Variants in LRRC4C observed in about 807,000 individuals in gnomAD.
LRRC4C encodes leucine-rich repeat-containing protein 4C.
A neutral mutation model predicts 33.6 loss-of-function variants in LRRC4C; 5 were observed. The ratio of observed to expected loss-of-function variants is 0.15; its 90% CI spans 0.08 to 0.31. The LOEUF is 0.31. Ranked by LOEUF, LRRC4C falls within the 10% of genes least tolerant of loss-of-function variation. LRRC4C has a pLI of 1.00. For missense variants in LRRC4C, 560 were observed against 796.7 expected (o/e 0.70, Z 3.58); for synonymous variants, 329 against 302.0 (o/e 1.09, Z -0.93).
At chr11:40,775,413 CA>C (rs35899682) in intron 2 of LRRC4C, among the ~76,000 whole-genome samples, 31,172 of 147,908 alleles carry the variant, frequency 0.21, 3,852 homozygotes, top group East Asian at 0.41. Context: ...GACTCTGTTT[CA>C]AAAAAAAAAA....
intron 2 of LRRC4C, among the ~76,000 whole-genome samples, chr11:40,891,514 A>G (rs771790205): frequency 1.3e-5 from 2 of 152,178 alleles, no homozygotes; most frequent in Non-Finnish European, 2.9e-5. Context: ...CTAACAAGAG[A>G]TTAATAACAA....
chr11:40,361,580 A>T (rs1947951541), intron 3 of LRRC4C, among the ~76,000 whole-genome samples: 1 of 152,184 alleles, frequency 6.6e-6, no homozygotes, highest in Non-Finnish European at 1.5e-5. Flanking sequence ...GATAATTACA[A>T]ACCACTGCTC....
intron 2 of LRRC4C, among the ~76,000 whole-genome samples, chr11:40,874,129 A>T (rs1187244194): frequency 6.6e-6 from 1 of 152,224 alleles, no homozygotes; most frequent in Admixed American, 6.5e-5. Flanking sequence ...GGTTTTTCCA[A>T]GGAGATTTAA....
intron 1 of LRRC4C, among the ~76,000 whole-genome samples, chr11:41,357,063 A>G (rs1952187989): frequency 1.3e-5 from 2 of 152,042 alleles, no homozygotes; most frequent in South Asian, 4.1e-4. Flanking sequence ...AAAAATACCA[A>G]CAGCATTTAT....
At chr11:40,584,235 T>C (rs914777004) in intron 3 of LRRC4C, among the ~76,000 whole-genome samples, 3 of 137,428 alleles carry the variant, frequency 2.2e-5, no homozygotes, top group Non-Finnish European at 4.7e-5. Context: ...GACAGTCTTG[T>C]GCACTGCCAA....
At chr11:40,720,680 G>C (rs1365116714) in intron 2 of LRRC4C, among the ~76,000 whole-genome samples, 1 of 152,152 alleles carries the variant, frequency 6.6e-6, no homozygotes, top group African/African-American at 2.4e-5. Context: ...TGATAATCTT[G>C]TGTAACTTGA....
intron 5 of LRRC4C, among the ~76,000 whole-genome samples, chr11:40,200,295 T>A (rs980172564): frequency 6.9e-6 from 1 of 144,598 alleles, no homozygotes; most frequent in Admixed American, 7.0e-5. Context: ...ATGTGGAAGG[T>A]GGAGGTTGCA....
At chr11:40,219,796 C>T (rs1336839739) in intron 5 of LRRC4C, among the ~76,000 whole-genome samples, 3 of 152,020 alleles carry the variant, frequency 2.0e-5, no homozygotes, top group African/African-American at 4.8e-5. Context: ...AGGATGAATA[C>T]TAAGTCCAGA....
intron 5 of LRRC4C, among the ~76,000 whole-genome samples, chr11:40,200,564 G>A (rs958652564): frequency 2.0e-5 from 3 of 151,878 alleles, no homozygotes; most frequent in Non-Finnish European, 4.4e-5. Flanking sequence ...TCATGTGACA[G>A]GTGTCCTGCC....
chr11:40,465,476 T>C (rs896797098), intron 3 of LRRC4C, among the ~76,000 whole-genome samples: 1 of 151,930 alleles, frequency 6.6e-6, no homozygotes, highest in Non-Finnish European at 1.5e-5. Context: ...AAAAACCTTC[T>C]GCAGTGTAAA....
intron 1 of LRRC4C, among the ~76,000 whole-genome samples, chr11:41,389,905 C>A (rs1953522575): frequency 6.6e-6 from 1 of 151,800 alleles, no homozygotes; most frequent in Admixed American, 6.6e-5. Flanking sequence ...CCAAAATTAA[C>A]ATACTTAAGA....
At chr11:41,185,967 ATAGGTATAT>A (rs1945677335) in intron 1 of LRRC4C, among the ~76,000 whole-genome samples, 1 of 152,106 alleles carries the variant, frequency 6.6e-6, no homozygotes, top group Non-Finnish European at 1.5e-5. Flanking sequence ...TAGGACTCCA[ATAGGTATAT>A]TAGAAAAGAG....
intron 3 of LRRC4C, among the ~76,000 whole-genome samples, chr11:40,386,452 C>T (rs987011781): frequency 3.9e-5 from 6 of 152,066 alleles, no homozygotes; most frequent in African/African-American, 1.4e-4. Flanking sequence ...ATGAGAATGT[C>T]CACCTTATAT....
chr11:41,329,393 G>A (rs1178265548), intron 1 of LRRC4C, among the ~76,000 whole-genome samples: 3 of 152,140 alleles, frequency 2.0e-5, no homozygotes, highest in African/African-American at 4.8e-5. Flanking sequence ...ATATGTTGAG[G>A]ACTGTGCTTA....
chr11:40,911,369 AG>A, intron 2 of LRRC4C, among the ~76,000 whole-genome samples: 1 of 152,296 alleles, frequency 6.6e-6, no homozygotes, highest in East Asian at 1.9e-4. Flanking sequence ...ACGATCAGGC[AG>A]CAACATTTGC....
At chr11:40,227,706 T>A (rs1033192267) in intron 5 of LRRC4C, among the ~76,000 whole-genome samples, 19 of 151,808 alleles carry the variant, frequency 1.3e-4, no homozygotes, top group African/African-American at 4.6e-4. Flanking sequence ...CCATGGGTGC[T>A]AAAAAGAGGA....
intron 3 of LRRC4C, among the ~76,000 whole-genome samples, chr11:40,482,708 C>A (rs1953648553): frequency 6.6e-6 from 1 of 152,090 alleles, no homozygotes; most frequent in Admixed American, 6.5e-5. Flanking sequence ...TGGGCTCAAG[C>A]AATCTGCCTG....
At chr11:40,649,258 C>A (rs1440212315) in intron 2 of LRRC4C, among the ~76,000 whole-genome samples, 1 of 152,064 alleles carries the variant, frequency 6.6e-6, no homozygotes, top group East Asian at 1.9e-4. Context: ...TTCAGTAGTC[C>A]TTATCTCAAC....
chr11:40,903,740 A>G (rs1172134372), intron 2 of LRRC4C, among the ~76,000 whole-genome samples: 1 of 152,182 alleles, frequency 6.6e-6, no homozygotes, highest in African/African-American at 2.4e-5. Context: ...ACTAAGACCT[A>G]CAGTTGCAAC....
Sources: gnomAD v4.1 joint callset for allele counts (sites outside exome capture counted in the v4.1 genomes callset) on GRCh38, gnomAD v4.1.1 for gene constraint, MANE v1.5 for transcripts, NCBI Gene and HGNC (gene_info 2026-07-23, HGNC 2026-07-21) for gene names.